The following TOP6BL variants were observed in gnomAD, a reference collection of about 807,000 sequenced individuals.
TOP6BL encodes the protein TOP6B like initiator of meiotic double strand breaks.
chr11:66,787,614 G>C, the TOP6BL span, among the ~76,000 whole-genome samples: 1 of 151,280 alleles, frequency 6.6e-6, no homozygotes, highest in African/African-American at 2.4e-5. Flanking sequence ...CAGCTACTTG[G>C]GTGGCTGAGG....
At chr11:66,782,972 T>G in the TOP6BL span, among the ~76,000 whole-genome samples, 3 of 152,218 alleles carry the variant, frequency 2.0e-5, no homozygotes, top group African/African-American at 7.2e-5. Context: ...CATGGTGGTT[T>G]GTTTAGTGGT....
At chr11:66,783,163 A>G in the TOP6BL span, among the ~76,000 whole-genome samples, 1 of 152,152 alleles carries the variant, frequency 6.6e-6, no homozygotes, top group Non-Finnish European at 1.5e-5. Context: ...GAGACCCTGT[A>G]TCTACAAAAA....
At chr11:66,796,432 T>C in the TOP6BL span, 2 of 1,189,488 alleles carry the variant, frequency 1.7e-6, no homozygotes, top group Non-Finnish European at 2.4e-6. Context: ...ACCTTTACTG[T>C]GTAGGACATG....
At chr11:66,802,449 A>T in the TOP6BL span, among the ~76,000 whole-genome samples, 3 of 152,080 alleles carry the variant, frequency 2.0e-5, no homozygotes, top group Middle Eastern at 3.2e-3. Context: ...CACTGCGCCC[A>T]GCCCATATAC....
the TOP6BL span, among the ~76,000 whole-genome samples, chr11:66,754,416 T>C: frequency 1.3e-5 from 2 of 152,224 alleles, no homozygotes; most frequent in Non-Finnish European, 1.5e-5. Context: ...TTTTTAAAGT[T>C]TTCTTTTCTC....
At chr11:66,781,755 C>T in the TOP6BL span, among the ~76,000 whole-genome samples, 3 of 152,124 alleles carry the variant, frequency 2.0e-5, no homozygotes, top group Admixed American at 6.6e-5. Context: ...CTAGGCTAGT[C>T]TCAAACTCCT....
At chr11:66,838,337 A>C in the TOP6BL span, 1 of 1,602,772 alleles carries the variant, frequency 6.2e-7, no homozygotes, top group Non-Finnish European at 8.5e-7. Context: ...GTTTCTACAA[A>C]ACTCACTTAG....
At chr11:66,839,561 C>T in the TOP6BL span, among the ~76,000 whole-genome samples, 23 of 152,196 alleles carry the variant, frequency 1.5e-4, no homozygotes, top group African/African-American at 5.1e-4. Flanking sequence ...AACACATACG[C>T]GTTTATGCTT....
At chr11:66,835,602 C>G in the TOP6BL span, among the ~76,000 whole-genome samples, 1 of 152,216 alleles carries the variant, frequency 6.6e-6, no homozygotes, top group African/African-American at 2.4e-5. Context: ...CTGGCAACCA[C>G]TAGTATGCTT....
At chr11:66,837,354 C>T in the TOP6BL span, among the ~76,000 whole-genome samples, 2 of 151,976 alleles carry the variant, frequency 1.3e-5, no homozygotes, top group Non-Finnish European at 2.9e-5. Context: ...GTTTCAATCT[C>T]CTGACGTCAT....
At chr11:66,745,598 A>G in the TOP6BL span, among the ~76,000 whole-genome samples, 1 of 152,220 alleles carries the variant, frequency 6.6e-6, no homozygotes. Flanking sequence ...GGTACTGGGC[A>G]GGTGACAGAA....
At chr11:66,813,922 A>G in the TOP6BL span, 1 of 1,613,818 alleles carries the variant, frequency 6.2e-7, no homozygotes, top group Non-Finnish European at 8.5e-7. Flanking sequence ...GGAGCAGCCG[A>G]TGACTACTTT....
chr11:66,843,493 C>A, the TOP6BL span: 1 of 1,481,788 alleles, frequency 6.7e-7, no homozygotes, highest in Non-Finnish European at 8.9e-7. Context: ...CGACTGCTGT[C>A]GGTGTCGCGG....
chr11:66,806,542 C>T, the TOP6BL span, among the ~76,000 whole-genome samples: 3 of 152,152 alleles, frequency 2.0e-5, no homozygotes, highest in Admixed American at 1.3e-4. Context: ...CCGAAGCTGG[C>T]GGAGCACTTG....
the TOP6BL span, among the ~76,000 whole-genome samples, chr11:66,768,665 TTTG>T: frequency 6.6e-6 from 1 of 150,804 alleles, no homozygotes; most frequent in African/African-American, 2.5e-5. Context: ...ATTTTTGTTT[TTTG>T]TTTTTTTTTT....
the TOP6BL span, among the ~76,000 whole-genome samples, chr11:66,753,220 C>A: frequency 1.3e-5 from 2 of 152,012 alleles, no homozygotes; most frequent in African/African-American, 4.8e-5. Flanking sequence ...TGTATGCAGG[C>A]AAGCAGGCAA....
chr11:66,785,793 C>A, the TOP6BL span, among the ~76,000 whole-genome samples: 2 of 152,202 alleles, frequency 1.3e-5, no homozygotes, highest in Non-Finnish European at 2.9e-5. Flanking sequence ...TCATGTGTTG[C>A]TCCCTTGCTT....
the TOP6BL span, among the ~76,000 whole-genome samples, chr11:66,778,907 T>C: frequency 1.3e-5 from 2 of 152,172 alleles, no homozygotes; most frequent in Non-Finnish European, 2.9e-5. Flanking sequence ...AAACAAGCAA[T>C]GGGGAAAGGA....
chr11:66,762,027 A>AT, the TOP6BL span: 58 of 1,497,658 alleles, frequency 3.9e-5, 1 homozygote, highest in African/African-American at 2.1e-4. Context: ...AGTGACAGTG[A>AT]TTTTTTCCCC....
Sources: allele counts gnomAD v4.1 joint callset (sites outside exome capture counted in the v4.1 genomes callset), GRCh38; gene constraint gnomAD v4.1.1; transcripts MANE v1.5; gene names NCBI Gene and HGNC (gene_info 2026-07-23, HGNC 2026-07-21).